LIPH: variants seen among roughly 807,000 people sequenced by gnomAD.
LIPH encodes the protein lipase H.
In LIPH, 32 loss-of-function variants were observed where a neutral mutation model predicts 47.6. That is an observed-to-expected ratio of 0.67 (90% CI 0.51 to 0.90). LIPH has a LOEUF of 0.90. LIPH is among the 40% of genes least tolerant of loss of function. The pLI is 0.00. For missense variants in LIPH, 497 were observed against 541.4 expected (o/e 0.92, Z 0.81); for synonymous variants, 190 against 195.6 (o/e 0.97, Z 0.24).
At chr3:185,549,408 A>C (rs1391228646) in intron 1 of LIPH, among the ~76,000 whole-genome samples, 2 of 152,222 alleles carry the variant, frequency 1.3e-5, no homozygotes, top group Non-Finnish European at 2.9e-5. Context: ...GTTCCAAATC[A>C]TTCTAGAGGA....
At chr3:185,519,035 T>C (rs931988775) in intron 6 of LIPH, 107 bp downstream of exon 6, 27 of 1,007,980 alleles carry the variant, frequency 2.7e-5, no homozygotes, top group Middle Eastern at 4.4e-4. Context: ...AAAAACAAGT[T>C]TTTAATACAA....
At chr3:185,543,304 C>T (rs1371908001) in intron 1 of LIPH, among the ~76,000 whole-genome samples, 3 of 152,150 alleles carry the variant, frequency 2.0e-5, no homozygotes, top group Admixed American at 6.5e-5. Flanking sequence ...TATGATGTGC[C>T]TTAGAGAGAA....
At chr3:185,548,413 G>A (rs201014425) in intron 1 of LIPH, among the ~76,000 whole-genome samples, 112 of 125,634 alleles carry the variant, frequency 8.9e-4, no homozygotes, top group African/African-American at 2.9e-3. Flanking sequence ...CACATAAAAG[G>A]AAAAAAAAAA....
chr3:185,530,954 G>A (rs1720312851), intron 3 of LIPH, among the ~76,000 whole-genome samples: 3 of 152,166 alleles, frequency 2.0e-5, no homozygotes, highest in African/African-American at 7.2e-5. Context: ...ATCTGAAGCA[G>A]GACAGTTTTC....
chr3:185,530,756 C>T (rs1720307950), intron 3 of LIPH, among the ~76,000 whole-genome samples: 1 of 151,992 alleles, frequency 6.6e-6, no homozygotes, highest in South Asian at 2.1e-4. Context: ...TGAACCAGGG[C>T]AATTTTCAGA....
At chr3:185,549,569 C>T (rs933732072) in intron 1 of LIPH, among the ~76,000 whole-genome samples, 4 of 152,134 alleles carry the variant, frequency 2.6e-5, no homozygotes, top group African/African-American at 2.4e-5. Context: ...TAATTTAGAA[C>T]AATATTTTAA....
In LIPH at chr3:185,515,533, G is replaced by C. The variant is rs1452544989; in HGVS notation, c.983-1012C>G. Among the ~76,000 whole-genome samples, 96 of 149,430 alleles carry C rather than the reference G, an allele frequency of 6.4e-4. 1 individual carries two copies. The highest frequency in any genetic ancestry group is 2.2e-3 in the African/African-American group (91 of 40,698). ...CTGCAGGCTTTTTTTTTTTTTAAAA[G>C]AATCTCTCTGTGTTGCCCAGGCTGG... On this transcript the variant is annotated intron_variant, in intron 7 of 9. Transcript: ENST00000296252.
intron 5 of LIPH, among the ~76,000 whole-genome samples, chr3:185,522,649 A>AAAAAGAAAGAAAGAAAGAAAG (rs1719934969): frequency 1.1e-5 from 1 of 92,014 alleles, no homozygotes; most frequent in Non-Finnish European, 2.2e-5. Flanking sequence ...AGAGAGAAAG[A>AAAAAGAAAGAAAGAAAGAAAG]AAAAGAAAGA....
intron 1 of LIPH, among the ~76,000 whole-genome samples, chr3:185,543,278 C>G (rs1720770330): frequency 6.6e-6 from 1 of 152,136 alleles, no homozygotes; most frequent in African/African-American, 2.4e-5. Context: ...TCTAATGTTT[C>G]TAAGCAGAAG....
intron 6 of LIPH, among the ~76,000 whole-genome samples, chr3:185,518,710 A>T (rs1040027196): frequency 1.1e-4 from 17 of 151,392 alleles, no homozygotes; most frequent in African/African-American, 1.5e-4. Context: ...ATTTTTTTTT[A>T]AATTTTAACC....
At chr3:185,543,369 T>C (rs1012382621) in intron 1 of LIPH, among the ~76,000 whole-genome samples, 5 of 152,232 alleles carry the variant, frequency 3.3e-5, no homozygotes, top group African/African-American at 9.6e-5. Flanking sequence ...CTGTTGGCCA[T>C]AAGTCCAATG....
intron 5 of LIPH, among the ~76,000 whole-genome samples, chr3:185,521,111 G>T (rs1719887277): frequency 6.6e-6 from 1 of 151,928 alleles, no homozygotes; most frequent in Non-Finnish European, 1.5e-5. Context: ...CAGGTGATCT[G>T]CCCACCTCAG....
intron 8 of LIPH, among the ~76,000 whole-genome samples, chr3:185,513,933 A>T (rs888905456): frequency 6.6e-6 from 1 of 152,080 alleles, no homozygotes; most frequent in Non-Finnish European, 1.5e-5. Context: ...CCAGCTACTC[A>T]GGAGGCTGAG....
chr3:185,518,329 G>A (rs961744776), intron 6 of LIPH, among the ~76,000 whole-genome samples: 1 of 152,122 alleles, frequency 6.6e-6, no homozygotes, highest in South Asian at 2.1e-4. Context: ...GCCCAGGCTG[G>A]AGTGCAATGG....
At chr3:185,513,683 C>T (rs1398115176) in intron 8 of LIPH, among the ~76,000 whole-genome samples, 1 of 152,082 alleles carries the variant, frequency 6.6e-6, no homozygotes, top group East Asian at 1.9e-4. Context: ...CCCAAGTGTT[C>T]ATTGATGGAA....
chr3:185,529,926 G>GAA (rs1280936106), intron 3 of LIPH, among the ~76,000 whole-genome samples: 55 of 42,522 alleles, frequency 1.3e-3, no homozygotes, highest in Non-Finnish European at 2.4e-3. Flanking sequence ...AAGAAAGAAA[G>GAA]AAAGAAAGAA....
intron 4 of LIPH, among the ~76,000 whole-genome samples, chr3:185,525,286 CA>C (rs1223193567): frequency 2.6e-5 from 4 of 151,984 alleles, no homozygotes; most frequent in African/African-American, 7.3e-5. Flanking sequence ...ATTAAACCCC[CA>C]ATCAGTAAAG....
chr3:185,539,568 A>T (rs548744954), intron 1 of LIPH, among the ~76,000 whole-genome samples: 1 of 150,818 alleles, frequency 6.6e-6, no homozygotes, highest in East Asian at 2.0e-4. Context: ...ACGGGGTTTC[A>T]CCTTGTTGGC....
intron 3 of LIPH, among the ~76,000 whole-genome samples, chr3:185,528,244 G>A (rs1168366823): frequency 9.2e-5 from 13 of 141,144 alleles, no homozygotes; most frequent in Admixed American, 9.0e-4. Flanking sequence ...GAGAGAGAGA[G>A]AGAAAGAAAA....
Sources: allele counts gnomAD v4.1 joint callset (sites outside exome capture counted in the v4.1 genomes callset), GRCh38; gene constraint gnomAD v4.1.1; transcripts MANE v1.5; gene names NCBI Gene and HGNC (gene_info 2026-07-23, HGNC 2026-07-21).